Variants in JMY observed in about 807,000 individuals in gnomAD.
JMY encodes the protein junction mediating and regulatory protein, p53 cofactor.
A neutral mutation model predicts 103.3 loss-of-function variants in JMY; 46 were observed. The observed-to-expected ratio is 0.45, with a 90% confidence interval of 0.35 to 0.57. JMY has a LOEUF of 0.57. Among genes scored for constraint, JMY ranks in the 20% least tolerant of loss-of-function variants. JMY has a pLI of 0.00. For synonymous variants in JMY, 526 were observed against 489.3 expected, an observed-to-expected ratio of 1.07 and a Z score of -0.99; for missense variants, 1,238 against 1,255.2, an observed-to-expected ratio of 0.99 and a Z score of 0.21.
At chr5:79,260,754 TATTAA>T (rs2112065542) in intron 1 of JMY, among the ~76,000 whole-genome samples, 1 of 151,942 alleles carries the variant, frequency 6.6e-6, no homozygotes, top group African/African-American at 2.4e-5. Context: ...CAGATTTTAG[TATTAA>T]CAAGTAATAA....
chr5:79,284,678 G>A lies in JMY; in HGVS notation c.1207-5443G>A, dbSNP rs1746217541. ...TCAGTAATCAGCTTGAATTTTCTAA[G>A]TGCAACTTCATCATTCTGCAAATCA... On this transcript the variant is annotated intron_variant, in intron 2 of 10. Transcript: ENST00000396137. 4 of 1,586,570 alleles carry A rather than the reference G, an allele frequency of 2.5e-6. No homozygotes were observed. In the Admixed American group the frequency reaches 5.0e-5, roughly 20 times the overall value.
At position 79,291,288 on chromosome 5, in the gene JMY, C is replaced by G; in HGVS notation, c.1516C>G (p.Leu506Val). The part of the protein sequence containing the change: ...EICLEQRKHA[L>V]KEEMQSLRGG... The stretch of plus-strand genomic sequence containing the variant: ...ATGCTTGGAACAGCGGAAACATGCA[C>G]TAAAGGAAGAGGTAACAAAAATCAT... The change falls in exon 4 of 11, where the codon CTA becomes GTA. Residue 506 changes from leucine to valine, a missense_variant. Physicochemically the swap from Leu to Val is conservative, Grantham distance 32. Coordinates refer to ENST00000396137, the MANE Select transcript of JMY (RefSeq NM_152405.5). The G allele has an allele frequency of 1.3e-6, 2 of 1,554,982 alleles. No homozygotes were observed. The highest frequency in any genetic ancestry group is 1.7e-6 in the Non-Finnish European group (2 of 1,153,944).
At chr5:79,318,777 G>T (rs1168389605) in intron 10 of JMY, among the ~76,000 whole-genome samples, 33 of 24,110 alleles carry the variant, frequency 1.4e-3, no homozygotes, top group South Asian at 2.8e-3. Flanking sequence ...GAGAGAGAGA[G>T]AGAGAGAGAG....
chr5:79,250,020 G>A (rs998739750), intron 1 of JMY, among the ~76,000 whole-genome samples: 16 of 152,152 alleles, frequency 1.1e-4, no homozygotes, highest in Admixed American at 9.8e-4. Context: ...AAGAATGTAC[G>A]TGAAGTGCCT....
rs578124489 is a variant in JMY at position 79,268,518 on chromosome 5, C to T, written c.1033-9392C>T. ...TTATTTATTTCTTGAGATGGCGTCT[C>T]GCTCTGTCGCCCAGGCTGGAGTGTG... On this transcript the variant is annotated intron_variant, in intron 1 of 10. Transcript: ENST00000396137. Among the ~76,000 whole-genome samples, 17 of 152,174 alleles carry T rather than the reference C, an allele frequency of 1.1e-4. No individual in the cohort carries two copies. In the East Asian group the frequency reaches 2.7e-3, roughly 24 times the overall value.
intron 2 of JMY, among the ~76,000 whole-genome samples, chr5:79,289,839 C>A (rs999876565): frequency 1.3e-5 from 2 of 151,850 alleles, no homozygotes; most frequent in Non-Finnish European, 2.9e-5. Flanking sequence ...GAAATAAATT[C>A]CTCATCGAGA....
intron 1 of JMY, among the ~76,000 whole-genome samples, chr5:79,258,581 T>C (rs577342911): frequency 1.3e-5 from 2 of 152,274 alleles, no homozygotes; most frequent in African/African-American, 4.8e-5. Context: ...GTCTGGCCAC[T>C]GCATACAACC....
At chr5:79,295,222 G>A (rs986319430) in intron 4 of JMY, among the ~76,000 whole-genome samples, 1 of 152,194 alleles carries the variant, frequency 6.6e-6, no homozygotes, top group East Asian at 1.9e-4. Flanking sequence ...GTAGTTTTCA[G>A]CCATATGTGG....
intron 4 of JMY, among the ~76,000 whole-genome samples, chr5:79,294,858 C>CAA (rs369580669): frequency 1.0e-3 from 115 of 111,216 alleles, no homozygotes; most frequent in African/African-American, 3.5e-3. Flanking sequence ...AACTCTGTCT[C>CAA]AAAAAAAAAA....
At position 79,236,441 on chromosome 5, in the gene JMY, G is replaced by C; in HGVS notation, c.-210G>C. 2.5e-6 allele frequency: 1 copy of C among 393,954 alleles called. No individual in the cohort carries two copies. The highest frequency in any genetic ancestry group is 4.4e-6 in the Non-Finnish European group (1 of 224,984). The allele number at this position is 393,954 out of a possible 1,614,324, so 24.4% of individuals were successfully genotyped here. ...CATGTGAACTACCTGCTCCCGGGAC[G>C]CTTATTGTCCTTCTCTCGATCCGCG... On this transcript the variant is annotated 5_prime_UTR_variant, in exon 1 of 11. Coordinates refer to ENST00000396137, the MANE Select transcript of JMY (RefSeq NM_152405.5).
rs565369219 is a variant in JMY, at chr5:79,252,354, T to A, written c.1032+14672T>A. 5.0e-3 allele frequency among the ~76,000 whole-genome samples: 754 copies of A among 151,290 alleles called. 2 individuals are homozygous for A. The highest frequency in any genetic ancestry group is 8.6e-3 in the Non-Finnish European group (584 of 67,870). On this transcript the variant is annotated intron_variant, in intron 1 of 10. Transcript: ENST00000396137. ...ATAGTCAGGTTTTTTTTTTTTTTTT[T>A]AATGTTTTAAGGCTTGCTTTGTGAC...
At chr5:79,285,754 T>C (rs1185130033) in intron 2 of JMY, among the ~76,000 whole-genome samples, 2 of 152,206 alleles carry the variant, frequency 1.3e-5, no homozygotes, top group Non-Finnish European at 1.5e-5. Context: ...TACATTAGTA[T>C]ATTCACAGTT....
intron 10 of JMY, among the ~76,000 whole-genome samples, chr5:79,321,321 T>G (rs1747442074): frequency 6.6e-6 from 1 of 152,230 alleles, no homozygotes; most frequent in South Asian, 2.1e-4. Flanking sequence ...GTTCTTACTC[T>G]AGTAGCAGTT....
Position 79,316,250 on chromosome 5 carries a change from A to C in JMY, c.2910A>C (p.Ala970=). 6.2e-7 allele frequency: 1 copy of C among 1,614,026 alleles called. No individual in the cohort carries two copies. Residue 970 remains alanine, a synonymous_variant, in exon 10 of 11, where the codon GCA becomes GCC. Transcript: ENST00000396137. ...AAGCTCTTAGAAGAATTAAAGAAGC[A>C]TCCCCAGAGTCAGAGGACGAAGAGG... ...IHEALRRIKE[A]SPESEDEEEA...
chr5:79,259,534 A>G (rs926456430), intron 1 of JMY, among the ~76,000 whole-genome samples: 1 of 152,284 alleles, frequency 6.6e-6, no homozygotes, highest in East Asian at 1.9e-4. Context: ...TCCTGCTGCC[A>G]TTTATGGTGC....
chr5:79,259,456 G>T (rs1024714569), intron 1 of JMY, among the ~76,000 whole-genome samples: 1 of 152,208 alleles, frequency 6.6e-6, no homozygotes, highest in African/African-American at 2.4e-5. Flanking sequence ...CAGGCTTCAG[G>T]CCCTCCCCGA....
chr5:79,289,164 G>T (rs1181551828), intron 2 of JMY, among the ~76,000 whole-genome samples: 1 of 151,368 alleles, frequency 6.6e-6, no homozygotes, highest in Non-Finnish European at 1.5e-5. Context: ...GAACCTGGGA[G>T]GCGGAGGTTG....
chr5:79,311,148 CTTTT>C (rs35187257), intron 7 of JMY, among the ~76,000 whole-genome samples: 2 of 126,154 alleles, frequency 1.6e-5, no homozygotes. Flanking sequence ...ACCACACCTT[CTTTT>C]TTTTTTTTTT....
chr5:79,291,070 C>A, intron 3 of JMY, 60 bp from the exon 4 acceptor site: 2 of 1,184,970 alleles, frequency 1.7e-6, no homozygotes, highest in Admixed American at 2.8e-5. Context: ...AAATCTTTTT[C>A]AAATGCTTCA....
Sources: allele counts gnomAD v4.1 joint callset (sites outside exome capture counted in the v4.1 genomes callset), GRCh38; gene constraint gnomAD v4.1.1; transcripts MANE v1.5; gene names NCBI Gene and HGNC (gene_info 2026-07-23, HGNC 2026-07-21).